HERC2: variants seen among roughly 807,000 people sequenced by gnomAD.
The protein encoded by HERC2 is HECT and RLD domain containing E3 ubiquitin protein ligase 2.
Under a neutral mutation model 537.7 loss-of-function variants are expected in HERC2, and 102 were observed. That is an observed-to-expected ratio of 0.19 (90% CI 0.16 to 0.22). The LOEUF is 0.22. Ranked by LOEUF, HERC2 falls within the 10% of genes least tolerant of loss-of-function variation. HERC2 has a pLI of 1.00. For missense variants in HERC2, 4,236 were observed against 6,198.2 expected, an observed-to-expected ratio of 0.68 and a Z score of 10.63; for synonymous variants, 2,224 against 2,466.2, an observed-to-expected ratio of 0.90 and a Z score of 2.91.
chr15:28,260,075 C>T (rs1224535994), intron 16 of HERC2, among the ~76,000 whole-genome samples: 1 of 151,386 alleles, frequency 6.6e-6, no homozygotes, highest in Non-Finnish European at 1.5e-5. Flanking sequence ...TGCAGTGCCT[C>T]ACACCTGTAA....
At chr15:28,298,842 C>T (rs1185389623) in intron 3 of HERC2, among the ~76,000 whole-genome samples, 3 of 151,866 alleles carry the variant, frequency 2.0e-5, no homozygotes, top group African/African-American at 4.8e-5. Context: ...GACTAATGCT[C>T]TCCCAACTGA....
intron 14 of HERC2, among the ~76,000 whole-genome samples, chr15:28,264,009 A>G (rs1236208996): frequency 6.8e-6 from 1 of 146,194 alleles, no homozygotes; most frequent in African/African-American, 2.6e-5. Context: ...ACAGAGCAAA[A>G]CTTTGTCTTA....
intron 2 of HERC2, among the ~76,000 whole-genome samples, chr15:28,309,527 G>A (rs141367564): frequency 5.3e-5 from 8 of 151,824 alleles, no homozygotes; most frequent in Admixed American, 1.3e-4. Context: ...CCATCCCCCC[G>A]CACCGTCCTG....
At chr15:28,302,880 T>G (rs1293448503) in intron 2 of HERC2, among the ~76,000 whole-genome samples, 2 of 152,224 alleles carry the variant, frequency 1.3e-5, no homozygotes, top group African/African-American at 4.8e-5. Context: ...TAGAGGTGCT[T>G]AAGCTAATTA....
At chr15:28,133,336 T>C (rs1490991692) in intron 79 of HERC2, among the ~76,000 whole-genome samples, 1 of 152,214 alleles carries the variant, frequency 6.6e-6, no homozygotes, top group Non-Finnish European at 1.5e-5. Context: ...AAAGAAGTTC[T>C]TTATATATTT....
At position 28,256,288 on chromosome 15, in the gene HERC2, G is replaced by A. The variant is rs780810079; in HGVS notation, c.2547C>T (p.Asp849=). ...CCAGACCTAAACCAAGGAATTCCGG[G>A]TCAACCTGGTGACTAATGGCAGCAT... ...QLHAAISHQV[D]PEFLGLGLGS... The change falls in exon 18 of 93, where the codon GAC becomes GAT. Residue 849 remains aspartate (D), a synonymous_variant. Transcript: ENST00000261609. The A allele has an allele frequency of 1.7e-5, 27 of 1,596,138 alleles. No homozygotes were observed. Among genetic ancestry groups the A allele is most frequent in the Middle Eastern group, 2.2e-4 (1 of 4,470 alleles).
At chr15:28,134,257 C>A (rs1197482730) in intron 79 of HERC2, among the ~76,000 whole-genome samples, 2 of 152,168 alleles carry the variant, frequency 1.3e-5, no homozygotes, top group African/African-American at 4.8e-5. Context: ...TTTAAAATTT[C>A]ACTTTCTGGT....
chr15:28,117,328 C>T (rs1220169640), intron 86 of HERC2, 174 bp from the exon 87 acceptor site: 3 of 731,412 alleles, frequency 4.1e-6, no homozygotes, highest in Non-Finnish European at 7.3e-6. Flanking sequence ...GGGCGCTCGA[C>T]TGTGGACACC....
intron 5 of HERC2, 56 bp downstream of exon 5, chr15:28,280,012 C>A: frequency 1.5e-6 from 2 of 1,370,656 alleles, no homozygotes; most frequent in Non-Finnish European, 2.0e-6. Flanking sequence ...TGAAACAAAA[C>A]AGTCTGAATT....
At chr15:28,118,586 AG>A (rs1478223454) in intron 86 of HERC2, among the ~76,000 whole-genome samples, 1 of 152,250 alleles carries the variant, frequency 6.6e-6, no homozygotes, top group Non-Finnish European at 1.5e-5. Flanking sequence ...AAAACCTTCC[AG>A]TAAGATGACC....
rs774954823 is a variant in HERC2 at position 28,265,957 on chromosome 15, T to G, written c.1616A>C (p.Lys539Thr). ...CTTTCCAGAGAAGGCGGAGATCACC[T>G]TAGGCTCCTCCAAAGGCCTTGGGGA... is the stretch of plus-strand genomic sequence containing the variant. ...HGDTVPLEEPKVISAFSGKQA... is the reference protein window; with the variant it reads ...HGDTVPLEEPTVISAFSGKQA... Residue 539 changes from lysine (K) to threonine (T), a missense_variant, in exon 13 of 93, where the codon AAG (lysine) becomes ACG (threonine). This residue lies in a region of HERC2 where 754 missense variants were observed against 1,085.0 expected (regional missense o/e 0.69). Transcript: ENST00000261609. This position sits in a 1 kb window ranked among gnomAD's most constrained non-coding sequence, Gnocchi z 4.0. 1.2e-6 allele frequency: 2 copies of G among 1,614,138 alleles called. No individual in the cohort carries two copies. Among genetic ancestry groups the G allele is most frequent in the Non-Finnish European group, 1.7e-6 (2 of 1,180,016 alleles).
intron 45 of HERC2, among the ~76,000 whole-genome samples, chr15:28,204,439 G>T (rs1167432023): frequency 6.6e-6 from 1 of 152,090 alleles, no homozygotes; most frequent in East Asian, 1.9e-4. Context: ...GGCCAACATG[G>T]TAAAACCCCA....
At chr15:28,134,479 C>G (rs1890415082) in intron 79 of HERC2, among the ~76,000 whole-genome samples, 1 of 152,158 alleles carries the variant, frequency 6.6e-6, no homozygotes, top group African/African-American at 2.4e-5. Context: ...ACCGCACTTA[C>G]TAAACCTGTT....
At position 28,257,116 on chromosome 15, in the gene HERC2, G is replaced by C. The variant is rs773677746; in HGVS notation, c.2462C>G (p.Pro821Arg). Residue 821 changes from proline to arginine, a missense_variant, in exon 17 of 93, where the codon CCG becomes CGG. Around this residue, in one of 27 missense-constraint regions of HERC2, gnomAD observed 754 missense variants for 1,085.0 expected, o/e 0.69. Coordinates refer to ENST00000261609, the MANE Select transcript of HERC2 (RefSeq NM_004667.6). ...EGMDGSADWP[P>R]PQEKECVAVA... ...GGCCACACACTCTTTCTCCTGGGGC[G>C]GGGGCCAGTCCGCGGAACCATCCAT... 6.2e-7 allele frequency: 1 copy of C among 1,613,504 alleles called. No homozygotes were observed. The highest frequency in any genetic ancestry group is 8.5e-7 in the Non-Finnish European group (1 of 1,179,616).
intron 89 of HERC2, chr15:28,115,216 C>T: frequency 1.9e-6 from 1 of 528,130 alleles, no homozygotes; most frequent in Non-Finnish European, 3.3e-6. Flanking sequence ...GCTTCCTTAT[C>T]TGACAAGACA....
intron 10 of HERC2, 150 bp from the exon 11 acceptor site, chr15:28,269,586 A>G: frequency 1.6e-6 from 1 of 624,342 alleles, no homozygotes. Flanking sequence ...ACCAGCCTGT[A>G]TTACCTCATT....
intron 23 of HERC2, among the ~76,000 whole-genome samples, chr15:28,244,935 G>T (rs1290658943): frequency 3.3e-5 from 5 of 152,114 alleles, no homozygotes; most frequent in Admixed American, 3.3e-4. Flanking sequence ...AGTCCAGGAA[G>T]CTAGAACCAT....
At chr15:28,133,186 T>C (rs1255771769) in intron 79 of HERC2, among the ~76,000 whole-genome samples, 2 of 151,794 alleles carry the variant, frequency 1.3e-5, no homozygotes, top group East Asian at 1.9e-4. Flanking sequence ...ATAGTTACCA[T>C]CTGGCCCTAT....
At chr15:28,138,754 G>A (rs1366925418) in intron 78 of HERC2, among the ~76,000 whole-genome samples, 1 of 152,102 alleles carries the variant, frequency 6.6e-6, no homozygotes, top group Non-Finnish European at 1.5e-5. Context: ...TTCAAATCTT[G>A]TTATTTAAGA....
Sources: gnomAD v4.1 joint callset for allele counts (sites outside exome capture counted in the v4.1 genomes callset) on GRCh38, gnomAD v4.1.1 for gene constraint, gnomAD v4.1.1 regional missense constraint, Gnocchi (gnomAD v3.1) non-coding constraint, MANE v1.5 for transcripts, NCBI Gene and HGNC (gene_info 2026-07-23, HGNC 2026-07-21) for gene names.